NLRP7: variants seen among roughly 807,000 people sequenced by gnomAD.
NLRP7 encodes NACHT, LRR and PYD domains-containing protein 7.
A neutral mutation model predicts 85.5 loss-of-function variants in NLRP7; 72 were observed. That is an observed-to-expected ratio of 0.84 (90% CI 0.70 to 1.02). NLRP7 has a LOEUF of 1.02. Ranked by LOEUF, NLRP7 falls within the 50% of genes least tolerant of loss-of-function variation. NLRP7 has a pLI of 0.00. For synonymous variants in NLRP7, 550 were observed against 505.2 expected (o/e 1.09, Z -1.19); for missense variants, 1,243 against 1,219.5 (o/e 1.02, Z -0.29).
At chr19:54,925,208 A>G (rs1478302665) in intron 9 of NLRP7, among the ~76,000 whole-genome samples, 3 of 152,128 alleles carry the variant, frequency 2.0e-5, no homozygotes, top group Non-Finnish European at 4.4e-5. Context: ...CGCCCCAAAC[A>G]TATGACATAA....
At chr19:54,932,406 C>T (rs937051873) in intron 8 of NLRP7, among the ~76,000 whole-genome samples, 10 of 146,526 alleles carry the variant, frequency 6.8e-5, no homozygotes, top group African/African-American at 2.0e-4. Context: ...CCAGTCTGGG[C>T]GACAGAGTGA....
At chr19:54,956,156 G>A (rs2069845336) in intron 1 of NLRP7, among the ~76,000 whole-genome samples, 2 of 151,484 alleles carry the variant, frequency 1.3e-5, no homozygotes, top group South Asian at 4.2e-4. Flanking sequence ...GGGAAGGAGG[G>A]AAGGAGGGAA....
At chr19:54,937,705 C>T (rs1204066484) in intron 5 of NLRP7, among the ~76,000 whole-genome samples, 8 of 151,960 alleles carry the variant, frequency 5.3e-5, no homozygotes, top group African/African-American at 1.9e-4. Flanking sequence ...CGAGATCAGC[C>T]TGGGCAACAC....
At chr19:54,956,163 G>A (rs139921870) in intron 1 of NLRP7, among the ~76,000 whole-genome samples, 68 of 150,698 alleles carry the variant, frequency 4.5e-4, no homozygotes, top group African/African-American at 1.4e-3. Context: ...AGGGAAGGAG[G>A]GAAGGGAAGG....
intron 9 of NLRP7, among the ~76,000 whole-genome samples, chr19:54,925,017 G>A (rs2068372626): frequency 6.6e-6 from 1 of 152,118 alleles, no homozygotes; most frequent in African/African-American, 2.4e-5. Context: ...CAGGGTTAAT[G>A]ATAGCAAACT....
chr19:54,962,967 C>T (rs1211017207), intron 1 of NLRP7, among the ~76,000 whole-genome samples: 1 of 152,116 alleles, frequency 6.6e-6, no homozygotes, highest in Admixed American at 6.6e-5. Context: ...CTTCCGGAAG[C>T]TGACAGCTGT....
chr19:54,951,092 CAT>C (rs1226905599), upstream of NLRP7, among the ~76,000 whole-genome samples: 5 of 152,196 alleles, frequency 3.3e-5, no homozygotes, highest in African/African-American at 9.7e-5. Context: ...GGACACAGCA[CAT>C]GTTTCAGAGA....
chr19:54,958,851 A>G (rs2069941411), intron 1 of NLRP7, among the ~76,000 whole-genome samples: 1 of 152,130 alleles, frequency 6.6e-6, no homozygotes, highest in Admixed American at 6.6e-5. Context: ...AGGGCTCACA[A>G]CACTAAAGAC....
At chr19:54,928,516 G>A (rs570463902) in intron 9 of NLRP7, among the ~76,000 whole-genome samples, 9 of 152,128 alleles carry the variant, frequency 5.9e-5, no homozygotes, top group South Asian at 2.1e-4. Flanking sequence ...CAGACATCTC[G>A]ATATGTTCTA....
chr19:54,925,811 C>A (rs912502180), intron 9 of NLRP7, among the ~76,000 whole-genome samples: 3 of 151,988 alleles, frequency 2.0e-5, no homozygotes, highest in African/African-American at 7.3e-5. Flanking sequence ...CCAGCCTGGC[C>A]AACATAGTGA....
intron 9 of NLRP7, among the ~76,000 whole-genome samples, chr19:54,924,765 G>A (rs1382135157): frequency 6.6e-6 from 1 of 151,838 alleles, no homozygotes; most frequent in East Asian, 1.9e-4. Flanking sequence ...GTGAAACCCC[G>A]TCTCTACTAA....
At chr19:54,959,943 C>T (rs779918273) in intron 1 of NLRP7, among the ~76,000 whole-genome samples, 43 of 151,760 alleles carry the variant, frequency 2.8e-4, no homozygotes, top group Non-Finnish European at 5.6e-4. Context: ...ACACAGAGAC[C>T]CAAGGCCTGG....
exon 4 of NLRP7, chr19:54,939,733 G>C: frequency 6.2e-7 from 1 of 1,613,496 alleles, no homozygotes; most frequent in African/African-American, 1.3e-5. Flanking sequence ...ACACCGCGGG[G>C]GCCGAGCCCA....
Position 54,936,335 on chromosome 19 carries a change from G to A in NLRP7, c.2226C>T (p.Ile742=), listed in dbSNP as rs571211521. The change falls in exon 6 of 10, where the codon ATC becomes ATT. Residue 742 remains isoleucine (I), a synonymous_variant. Coordinates refer to ENST00000340844, the Ensembl canonical transcript of NLRP7. ...TCAGCATCATCGTGCGTTCCCACTC[G>A]ATGTGCCCTGCCAGGGTCAGGTGCG... 135 of 1,613,980 alleles carry A rather than the reference G, an allele frequency of 8.4e-5. 1 individual carries two copies. In the South Asian group the frequency reaches 9.4e-4, roughly 11 times the overall value.
chr19:54,950,589 G>A (rs543024624), upstream of NLRP7, among the ~76,000 whole-genome samples: 1 of 152,194 alleles, frequency 6.6e-6, no homozygotes, highest in African/African-American at 2.4e-5. Flanking sequence ...TAAGTGCTGT[G>A]CTTTAGATAT....
chr19:54,964,212 T>G (rs1336894713), intron 1 of NLRP7, among the ~76,000 whole-genome samples: 1 of 1,610 alleles, frequency 6.2e-4, no homozygotes, highest in Non-Finnish European at 2.6e-3. Flanking sequence ...TTATATGGTG[T>G]TTTTTTTTTT....
chr19:54,962,979 T>C (rs2070113123), intron 1 of NLRP7, among the ~76,000 whole-genome samples: 1 of 152,168 alleles, frequency 6.6e-6, no homozygotes, highest in Admixed American at 6.6e-5. Context: ...GACAGCTGTT[T>C]GTGATCTTCA....
chr19:54,929,437 C>T (rs1165087565), intron 9 of NLRP7, among the ~76,000 whole-genome samples: 3 of 152,018 alleles, frequency 2.0e-5, no homozygotes, highest in Non-Finnish European at 4.4e-5. Context: ...GTAGTAATGA[C>T]GTGCAGATTC....
intron 1 of NLRP7, 116 bp from the exon 2 acceptor site, chr19:54,941,866 A>T: frequency 1.2e-6 from 1 of 822,122 alleles, no homozygotes. Flanking sequence ...AAAATATTCC[A>T]AAGACTGAAT....
Sources: gnomAD v4.1 joint callset for allele counts (sites outside exome capture counted in the v4.1 genomes callset) on GRCh38, gnomAD v4.1.1 for gene constraint, MANE v1.5 for transcripts, NCBI Gene and HGNC (gene_info 2026-07-23, HGNC 2026-07-21) for gene names.